The following PTPN3 variants were observed in gnomAD, a reference collection of about 807,000 sequenced individuals.
PTPN3 encodes the protein protein tyrosine phosphatase non-receptor type 3, also known as tyrosine-protein phosphatase non-receptor type 3.
In PTPN3, 96 loss-of-function variants were observed where a neutral mutation model predicts 132.7. The observed-to-expected ratio is 0.72, with a 90% CI of 0.61 to 0.86. The LOEUF (loss-of-function observed/expected upper bound fraction) is 0.86. Ranked by LOEUF, PTPN3 falls within the 40% of genes least tolerant of loss-of-function variation. The pLI, the probability that PTPN3 is intolerant of heterozygous loss-of-function variation, is 0.00. For missense variants in PTPN3, 1,125 were observed against 1,159.6 expected (o/e 0.97, Z 0.43); for synonymous variants, 398 against 429.0 (o/e 0.93, Z 0.89).
chr9:109,538,246 G>A, the PTPN3 span, among the ~76,000 whole-genome samples: 1 of 152,222 alleles, frequency 6.6e-6, no homozygotes, highest in African/African-American at 2.4e-5. Context: ...TCCGGAGGAT[G>A]CCCACAGGAT....
intron 14 of PTPN3, among the ~76,000 whole-genome samples, chr9:109,415,389 A>T (rs1210308550): frequency 6.6e-6 from 1 of 152,204 alleles, no homozygotes; most frequent in East Asian, 1.9e-4. Flanking sequence ...TTGAACAGGT[A>T]GTCAAGTGGG....
intron 1 of PTPN3, among the ~76,000 whole-genome samples, chr9:109,478,064 C>A (rs892204288): frequency 3.3e-5 from 5 of 152,176 alleles, no homozygotes; most frequent in African/African-American, 4.8e-5. Flanking sequence ...TGTCTGAACC[C>A]TGAGCTTCTT....
the PTPN3 span, among the ~76,000 whole-genome samples, chr9:109,511,305 G>A: frequency 5.9e-5 from 9 of 152,160 alleles, no homozygotes; most frequent in African/African-American, 2.2e-4. Context: ...CTAGAGAACA[G>A]TGGGGAAGTG....
chr9:109,512,855 A>G, the PTPN3 span, among the ~76,000 whole-genome samples: 1 of 151,952 alleles, frequency 6.6e-6, no homozygotes, highest in Non-Finnish European at 1.5e-5. Context: ...TGTGCTCTGA[A>G]CCCTGCATTA....
At chr9:109,486,256 AG>A (rs1266338837) in intron 1 of PTPN3, among the ~76,000 whole-genome samples, 2 of 152,212 alleles carry the variant, frequency 1.3e-5, no homozygotes, top group African/African-American at 4.8e-5. Flanking sequence ...TACATTTTGC[AG>A]GGTTGGAGAA....
intron 5 of PTPN3, 75 bp from the exon 6 acceptor site, chr9:109,448,930 G>A (rs1845049266): frequency 1.3e-6 from 2 of 1,536,136 alleles, no homozygotes. Context: ...AAAGTTTGAT[G>A]AGTCAAAGAC....
Position 109,445,309 on chromosome 9 carries a change from A to G in PTPN3, c.414-17T>C, listed in dbSNP as rs1844776026. 2 of 1,608,356 alleles carry G rather than the reference A, an allele frequency of 1.2e-6. No individual in the cohort carries two copies. The highest frequency in any genetic ancestry group is 4.5e-5 in the East Asian group (2 of 44,838). ...CAGGTTAACCTGTCAGGAGAAAAAC[A>G]TATTAGCAAAGTCACAAGAACCAAC... On this transcript the variant is annotated splice_polypyrimidine_tract_variant and intron_variant, in intron 6 of 25. Coordinates refer to ENST00000374541, the MANE Select transcript of PTPN3 (RefSeq NM_002829.4).
intron 19 of PTPN3, among the ~76,000 whole-genome samples, chr9:109,395,096 C>T (rs545258935): frequency 7.0e-4 from 106 of 150,534 alleles, no homozygotes; most frequent in Non-Finnish European, 5.3e-4. Flanking sequence ...GCCGAGATCG[C>T]GCCACTGCAC....
intron 5 of PTPN3, 68 bp from the exon 6 acceptor site, chr9:109,448,923 G>C: frequency 6.6e-7 from 1 of 1,510,240 alleles, no homozygotes; most frequent in Non-Finnish European, 8.9e-7. Context: ...AAAAAAGAAA[G>C]TTTGATGAGT....
At chr9:109,512,728 C>G in the PTPN3 span, among the ~76,000 whole-genome samples, 213 of 152,116 alleles carry the variant, frequency 1.4e-3, 1 homozygote, top group Non-Finnish European at 1.9e-3. Flanking sequence ...TTAGGAGGTA[C>G]CTTGTTCCTC....
rs915487764 is a variant in PTPN3, at chr9:109,436,260, G to C, written c.675+623C>G. 2.4e-4 allele frequency among the ~76,000 whole-genome samples: 36 copies of C among 152,324 alleles called. No homozygotes were observed. In the South Asian group the frequency reaches 3.7e-3, roughly 16 times the overall value. ...GGGTCATGTGCTGAAGCTACAACTT[G>C]TGTGCTGTGTGACCTCGGTTATGTC... On this transcript the variant is annotated intron_variant, in intron 9 of 25. Transcript: ENST00000374541.
chr9:109,507,962 C>T, the PTPN3 span, among the ~76,000 whole-genome samples: 88 of 152,300 alleles, frequency 5.8e-4, no homozygotes, highest in African/African-American at 2.0e-3. Context: ...AGCCCAAGCA[C>T]AGGCACAAAC....
intron 17 of PTPN3, among the ~76,000 whole-genome samples, chr9:109,407,045 T>C (rs1202511645): frequency 1.3e-5 from 2 of 152,022 alleles, no homozygotes; most frequent in Admixed American, 6.6e-5. Flanking sequence ...CAAAAACCAT[T>C]ATGGAGAGAA....
intron 22 of PTPN3, among the ~76,000 whole-genome samples, chr9:109,384,419 G>A (rs944715770): frequency 6.6e-6 from 1 of 152,176 alleles, no homozygotes; most frequent in Non-Finnish European, 1.5e-5. Flanking sequence ...TAAGTGACTT[G>A]CCCAAGGCCA....
intron 1 of PTPN3, among the ~76,000 whole-genome samples, chr9:109,466,378 C>G (rs933361554): frequency 6.6e-6 from 1 of 152,212 alleles, no homozygotes; most frequent in Admixed American, 6.5e-5. Context: ...TAGTGTGCAC[C>G]TGTAGTCCCA....
chr9:109,382,996 C>A (rs937086006), intron 23 of PTPN3, among the ~76,000 whole-genome samples: 9 of 152,196 alleles, frequency 5.9e-5, no homozygotes, highest in Non-Finnish European at 8.8e-5. Context: ...AACCACCGTT[C>A]TACTTTCTGT....
the PTPN3 span, among the ~76,000 whole-genome samples, chr9:109,507,948 T>C: frequency 6.6e-6 from 1 of 152,142 alleles, no homozygotes; most frequent in Admixed American, 6.5e-5. Flanking sequence ...GCCTTGGTCA[T>C]CCCAGCCCAA....
intron 21 of PTPN3, among the ~76,000 whole-genome samples, chr9:109,390,183 T>C (rs1201634185): frequency 2.0e-5 from 3 of 152,202 alleles, no homozygotes; most frequent in African/African-American, 7.2e-5. Flanking sequence ...ACCGGGAATG[T>C]TGAAGTGAGG....
rs563194279 is a variant in PTPN3 at position 109,386,271 on chromosome 9, C to T, written c.2254-2720G>A. On this transcript the variant is annotated intron_variant, in intron 22 of 25. Transcript: ENST00000374541. ...GGATTTCAGAAGAACAGGATTCTAA[C>T]GATGGATAACATGCCAAAGAAGGAG... is the stretch of plus-strand genomic sequence containing the variant. 1.2e-4 allele frequency among the ~76,000 whole-genome samples: 18 copies of T among 152,214 alleles called. No homozygotes were observed. The East Asian group carries it at 1.7e-3, about 15-fold the overall frequency.
Sources: allele counts gnomAD v4.1 joint callset (sites outside exome capture counted in the v4.1 genomes callset), GRCh38; gene constraint gnomAD v4.1.1; transcripts MANE v1.5; gene names NCBI Gene and HGNC (gene_info 2026-07-23, HGNC 2026-07-21).